ZNF525: variants seen among roughly 807,000 people sequenced by gnomAD.
ZNF525 encodes the protein zinc finger protein 525.
Under a neutral mutation model 37.6 loss-of-function variants are expected in ZNF525, and 33 were observed. The observed-to-expected ratio is 0.88, with a 90% CI of 0.67 to 1.17. The LOEUF (loss-of-function observed/expected upper bound fraction) is 1.17, where lower values mean the gene tolerates loss of function less well. Among genes scored for constraint, ZNF525 ranks in the 50% most tolerant of loss-of-function variants. The pLI is 0.00. For missense variants in ZNF525, 449 were observed against 543.1 expected (o/e 0.83, Z 1.72); for synonymous variants, 170 against 182.3 (o/e 0.93, Z 0.54).
chr19:53,368,622 G>A (rs1322583510), intron 1 of ZNF525, among the ~76,000 whole-genome samples: 1 of 152,182 alleles, frequency 6.6e-6, no homozygotes, highest in Non-Finnish European at 1.5e-5. Context: ...AGCTAGCCAA[G>A]CAAACAGGCT....
intron 2 of ZNF525, among the ~76,000 whole-genome samples, chr19:53,373,911 C>G (rs2085504510): frequency 6.6e-6 from 1 of 152,070 alleles, no homozygotes; most frequent in Non-Finnish European, 1.5e-5. Flanking sequence ...CTAGGGTCAT[C>G]AGGGTTTGTT....
chr19:53,381,901 G>A lies in ZNF525; in HGVS notation c.1322G>A (p.Cys441Tyr), dbSNP rs564677859. Residue 441 changes from cysteine (C) to tyrosine (Y), a missense_variant, in exon 4 of 4, where the codon TGT becomes TAT. Cys to Tyr is a radical substitution (Grantham distance 194, BLOSUM62 -2). Around this residue, in one of 2 missense-constraint regions of ZNF525, gnomAD observed 178 missense variants for 161.5 expected, o/e 1.10. Transcript: ENST00000474037. The part of the protein sequence containing the change: ...RIHNGEKLYK[C>Y]NECGKTFSQE... ...CATAATGGAGAGAAACTGTACAAAT[G>A]TAATGAGTGTGGCAAGACCTTCAGT... 4.1e-6 allele frequency: 4 copies of A among 982,114 alleles called. No individual in the cohort carries two copies. The Admixed American group carries it at 5.1e-5, about 12-fold the overall frequency. 60.8% of individuals were successfully genotyped at this position (982,114 alleles called of 1,614,324 possible).
rs1451314127 is a variant in ZNF525, at chr19:53,382,812, C to G, written c.*793C>G. The stretch of plus-strand genomic sequence containing the variant: ...GGGCGAACTCATGCTGGAGAGAAAC[C>G]TTACAAATGTGAAGAATGTGATAAA... On this transcript the variant is annotated 3_prime_UTR_variant, in exon 4 of 4. Coordinates refer to ENST00000474037, the MANE Select transcript of ZNF525 (RefSeq NM_001348156.2). 2 of 1,216,750 alleles carry G rather than the reference C, an allele frequency of 1.6e-6. No homozygotes were observed. Among genetic ancestry groups the G allele is most frequent in the East Asian group, 5.0e-5 (2 of 40,368 alleles). 75.4% of individuals were successfully genotyped at this position (1,216,750 alleles called of 1,614,324 possible).
Position 53,380,880 on chromosome 19 carries a change from T to G in ZNF525, c.301T>G (p.Trp101Gly), listed in dbSNP as rs2085554854. The change falls in exon 4 of 4, where the codon TGG (tryptophan) becomes GGG (glycine). Residue 101 changes from tryptophan (W) to glycine (G), a missense_variant. Transcript: ENST00000474037. Reference sequence around the variant, plus strand: ...AGATATTCATAACTTTGAGTTTCAGTGGCAAGAAGATGAAAGAAATGGCCA... The same window carrying G: ...AGATATTCATAACTTTGAGTTTCAGGGGCAAGAAGATGAAAGAAATGGCCA... ...EKDIHNFEFQ[W>G]QEDERNGHEA... 6.8e-7 allele frequency: 1 copy of G among 1,475,642 alleles called. No homozygotes were observed. 91.4% of individuals were successfully genotyped at this position (1,475,642 alleles called of 1,614,324 possible). A position where few individuals can be genotyped will look rare whatever the true frequency, so the allele number is the denominator to read the frequency against.
intron 3 of ZNF525, among the ~76,000 whole-genome samples, chr19:53,376,798 C>G (rs2085525605): frequency 6.6e-6 from 1 of 152,170 alleles, no homozygotes; most frequent in Non-Finnish European, 1.5e-5. Context: ...TGGTGAAACT[C>G]CGTCTCTACT....
chr19:53,366,655 G>T (rs1279622388), intron 1 of ZNF525, among the ~76,000 whole-genome samples: 2 of 151,860 alleles, frequency 1.3e-5, no homozygotes, highest in African/African-American at 4.9e-5. Flanking sequence ...ACAGCAAAGA[G>T]GGAGGCTCAT....
At chr19:53,368,864 A>G (rs888742604) in intron 1 of ZNF525, among the ~76,000 whole-genome samples, 1 of 152,122 alleles carries the variant, frequency 6.6e-6, no homozygotes, top group Non-Finnish European at 1.5e-5. Context: ...TTGTTTCACA[A>G]TCTGGTTTTA....
rs2085570788 is a variant in ZNF525, at chr19:53,382,129, A to T, written c.*110A>T. 4 of 1,580,292 alleles carry T rather than the reference A, an allele frequency of 2.5e-6. No homozygotes were observed. The East Asian group carries it at 9.0e-5, about 36-fold the overall frequency. ...TCCATTGTATACCATCATAAATTTC[A>T]TAGTGGAGAGAAACCTTACAAATGT... On this transcript the variant is annotated 3_prime_UTR_variant, in exon 4 of 4. Transcript: ENST00000474037.
rs534072509 is a variant in ZNF525, at chr19:53,372,340, A to G, written c.15+44A>G. 1.3e-4 allele frequency: 101 copies of G among 761,702 alleles called. No individual in the cohort carries two copies. In the African/African-American group the frequency reaches 1.4e-3, roughly 11 times the overall value. The allele number at this position is 761,702 out of a possible 1,614,324, so 47.2% of individuals were successfully genotyped here. On this transcript the variant is annotated intron_variant, in intron 2 of 3. Coordinates refer to ENST00000474037, the MANE Select transcript of ZNF525 (RefSeq NM_001348156.2). ...TGGATTGTTCTGTCTCCTTCCTTTC[A>G]GAAATGCTGACCTTGGAGTTGGGAA...
intron 1 of ZNF525, 139 bp from the exon 2 acceptor site, chr19:53,372,076 T>C (rs1201706445): frequency 2.3e-6 from 1 of 439,200 alleles, no homozygotes; most frequent in African/African-American, 2.0e-5. Context: ...TAGGAGTTTA[T>C]TGTACCTGGT....
Position 53,384,001 on chromosome 19 carries a change from C to G in ZNF525, c.*1982C>G, listed in dbSNP as rs913436177. The G allele has an allele frequency of 5.2e-6, 4 of 776,556 alleles. No individual in the cohort carries two copies. In the African/African-American group the frequency reaches 6.9e-5, roughly 13 times the overall value. The allele number at this position is 776,556 out of a possible 1,614,324, so 48.1% of individuals were successfully genotyped here. A position where few individuals can be genotyped will look rare whatever the true frequency, so the allele number is the denominator to read the frequency against. On this transcript the variant is annotated 3_prime_UTR_variant, in exon 4 of 4. Coordinates refer to ENST00000474037, the MANE Select transcript of ZNF525 (RefSeq NM_001348156.2). ...AATCTTACAAATGTCATCAGTGTGG[C>G]AAGGTCTTCAGTCCGACTTCACTCC...
In ZNF525 at chr19:53,386,303, C is replaced by A. The variant is rs1032274852; in HGVS notation, c.*4284C>A. 8.3e-6 allele frequency: 6 copies of A among 722,998 alleles called. No individual in the cohort carries two copies. Among genetic ancestry groups the A allele is most frequent in the Non-Finnish European group, 1.3e-5 (5 of 391,836 alleles). The allele number at this position is 722,998 out of a possible 1,614,324, so 44.8% of individuals were successfully genotyped here. A position where few individuals can be genotyped will look rare whatever the true frequency, so the allele number is the denominator to read the frequency against. On this transcript the variant is annotated 3_prime_UTR_variant, in exon 4 of 4. Transcript: ENST00000474037. ...AAACAAAAGCAAAACCATCCCACTC[C>A]CCTGTGGATTCAGATCAAAACTGGT...
At chr19:53,369,375 C>T (rs1197931551) in intron 1 of ZNF525, among the ~76,000 whole-genome samples, 1 of 151,782 alleles carries the variant, frequency 6.6e-6, no homozygotes, top group Non-Finnish European at 1.5e-5. Context: ...CTCAGGCACC[C>T]ACCACCATGC....
chr19:53,383,659 T>C lies in ZNF525; in HGVS notation c.*1640T>C. ...GTGTAGGGAAACTTGACTAACGTAA[T>C]GATTCTCACAACGTCTTCAGTAATG... On this transcript the variant is annotated 3_prime_UTR_variant, in exon 4 of 4. Coordinates refer to ENST00000474037, the MANE Select transcript of ZNF525 (RefSeq NM_001348156.2). The C allele has an allele frequency of 1.1e-6, 1 of 874,192 alleles. No individual in the cohort carries two copies. The highest frequency in any genetic ancestry group is 1.7e-6 in the Non-Finnish European group (1 of 572,298). The allele number at this position is 874,192 out of a possible 1,614,324, so 54.2% of individuals were successfully genotyped here.
chr19:53,367,292 A>T (rs113466404), intron 1 of ZNF525, among the ~76,000 whole-genome samples: 1 of 144,680 alleles, frequency 6.9e-6, no homozygotes, highest in South Asian at 2.4e-4. Flanking sequence ...GCCTGTTACT[A>T]TTCTTGGAGT....
Position 53,384,142 on chromosome 19 carries a change from T to C in ZNF525, c.*2123T>C. 2.4e-6 allele frequency: 1 copy of C among 410,786 alleles called. No homozygotes were observed. Among genetic ancestry groups the C allele is most frequent in the Admixed American group, 3.4e-5 (1 of 29,786 alleles). 25.4% of individuals were successfully genotyped at this position (410,786 alleles called of 1,614,324 possible). ...AGTTCAGCATTGACTTGAGTTTGAG[T>C]TGACTTAACATTGAGTTCAAGCCTT... is the stretch of plus-strand genomic sequence containing the variant. On this transcript the variant is annotated 3_prime_UTR_variant, in exon 4 of 4. Transcript: ENST00000474037.
In ZNF525 at chr19:53,382,294, T is replaced by G. The variant is rs768431070; in HGVS notation, c.*275T>G. 2.1e-6 allele frequency: 3 copies of G among 1,418,840 alleles called. No individual in the cohort carries two copies. Among genetic ancestry groups the G allele is most frequent in the Non-Finnish European group, 2.0e-6 (2 of 1,003,320 alleles). The allele number at this position is 1,418,840 out of a possible 1,614,324, so 87.9% of individuals were successfully genotyped here. A position where few individuals can be genotyped will look rare whatever the true frequency, so the allele number is the denominator to read the frequency against. On this transcript the variant is annotated 3_prime_UTR_variant, in exon 4 of 4. Transcript: ENST00000474037. ...TCATCCCTTACATGCCATCATAGAC[T>G]TCATACTGGAGAGAAACCTTACAAA...
intron 1 of ZNF525, among the ~76,000 whole-genome samples, chr19:53,369,715 CTTTTTTTTTTTT>C (rs57431960): frequency 0.5 from 40,678 of 82,038 alleles, 9,686 homozygotes; most frequent in Middle Eastern, 0.58. Flanking sequence ...AAAGAAGTTT[CTTTTTTTTTTTT>C]TTTTTTTTTT....
intron 3 of ZNF525, chr19:53,376,369 A>T (rs1424119044): frequency 1.4e-6 from 1 of 696,230 alleles, no homozygotes; most frequent in Non-Finnish European, 2.6e-6. Flanking sequence ...GCAGAGTTAA[A>T]TATTTGCATT....
Sources: allele counts gnomAD v4.1 joint callset (sites outside exome capture counted in the v4.1 genomes callset), GRCh38; gene constraint gnomAD v4.1.1; regional missense constraint gnomAD v4.1.1; transcripts MANE v1.5; gene names NCBI Gene and HGNC (gene_info 2026-07-23, HGNC 2026-07-21).